Variants in MYH10 observed in about 807,000 individuals in gnomAD.
MYH10 encodes the protein myosin heavy chain 10.
A neutral mutation model predicts 257.8 loss-of-function variants in MYH10; 55 were observed. That is an observed-to-expected ratio of 0.21 (90% CI 0.17 to 0.27). The LOEUF (loss-of-function observed/expected upper bound fraction) is 0.27, where lower values mean the gene tolerates loss of function less well. MYH10 is among the 10% of genes least tolerant of loss of function. MYH10 has a pLI of 1.00. For synonymous variants in MYH10, 854 were observed against 921.7 expected (o/e 0.93, Z 1.33); for missense variants, 1,631 against 2,500.6 (o/e 0.65, Z 7.42).
At chr17:8,514,670 T>A (rs2081407886) in intron 21 of MYH10, among the ~76,000 whole-genome samples, 1 of 151,306 alleles carries the variant, frequency 6.6e-6, no homozygotes, top group Non-Finnish European at 1.5e-5. Flanking sequence ...ATGAAGCTCA[T>A]TACCTTGCGG....
intron 40 of MYH10, among the ~76,000 whole-genome samples, chr17:8,479,416 A>G (rs912060709): frequency 1.1e-4 from 17 of 152,356 alleles, no homozygotes; most frequent in African/African-American, 4.1e-4. Context: ...AGATAGAGAC[A>G]GTCAGCTGAA....
intron 7 of MYH10, among the ~76,000 whole-genome samples, chr17:8,568,781 T>G (rs1335550887): frequency 1.3e-5 from 2 of 151,958 alleles, no homozygotes; most frequent in Non-Finnish European, 2.9e-5. Context: ...GTGTTGAAGG[T>G]GAGCAGCTGG....
intron 35 of MYH10, among the ~76,000 whole-genome samples, chr17:8,489,745 A>ACACACACACACCCCC (rs1258993754): frequency 6.6e-6 from 1 of 150,700 alleles, no homozygotes; most frequent in African/African-American, 2.5e-5. Flanking sequence ...ACACACACAC[A>ACACACACACACCCCC]CCCCAAATCC....
intron 19 of MYH10, among the ~76,000 whole-genome samples, chr17:8,519,269 A>C (rs537085557): frequency 6.6e-6 from 1 of 152,300 alleles, no homozygotes; most frequent in East Asian, 1.9e-4. Context: ...TCATATCCTT[A>C]AGACGCAAAA....
Position 8,593,632 on chromosome 17 carries a change from G to A in MYH10, c.503-4524C>T, listed in dbSNP as rs2084251519. On this transcript the variant is annotated intron_variant, in intron 3 of 42. Transcript: ENST00000360416. ...TGATATACTTGGTTATAAATCTGAT[G>A]AAGTATACGCAACATCTCTGTATGC... is the stretch of plus-strand genomic sequence containing the variant. 2.0e-5 allele frequency among the ~76,000 whole-genome samples: 3 copies of A among 152,214 alleles called. No individual in the cohort carries two copies. The South Asian group carries it at 6.2e-4, about 32-fold the overall frequency.
chr17:8,489,744 C>A (rs939045150), intron 35 of MYH10, among the ~76,000 whole-genome samples: 20 of 138,416 alleles, frequency 1.4e-4, no homozygotes, highest in Admixed American at 1.4e-3. Flanking sequence ...CACACACACA[C>A]ACCCCAAATC....
At chr17:8,521,357 G>T in intron 17 of MYH10, 72 bp from the exon 18 acceptor site, 1 of 1,479,518 alleles carries the variant, frequency 6.8e-7, no homozygotes, top group Non-Finnish European at 9.4e-7. Flanking sequence ...AAGACACAGT[G>T]AAAGTGCAGC....
At chr17:8,536,325 A>G (rs1172250872) in intron 14 of MYH10, among the ~76,000 whole-genome samples, 1 of 152,192 alleles carries the variant, frequency 6.6e-6, no homozygotes, top group Non-Finnish European at 1.5e-5. Context: ...TCAACTAATG[A>G]GAATGCTTCA....
At position 8,538,593 on chromosome 17, in the gene MYH10, C is replaced by A. The variant is rs76645251; in HGVS notation, c.1606-2662G>T. ...GGTAAAGAGTGAGTCAGCATTAAAT[C>A]TTGAATTCCTTCCCTCCCCTTTCTG... On this transcript the variant is annotated intron_variant, in intron 14 of 42. Coordinates refer to ENST00000360416, the MANE Select transcript of MYH10 (RefSeq NM_001256012.3). Among the ~76,000 whole-genome samples the A allele has an allele frequency of 7.2e-5, 11 of 152,272 alleles. No individual in the cohort carries two copies. The East Asian group carries it at 1.9e-3, about 27-fold the overall frequency.
rs1426275450 is a variant in MYH10, at chr17:8,492,941, G to A, written c.4293C>T (p.Asp1431=). ...LEEAKKKLLK[D]AEALSQRLEE... ...CCAGGCGCTGGCTCAGGGCCTCCGC[G>A]TCCTTCAGAAGCTTCTTCTTGGCTT... The change falls in exon 33 of 43, where the codon GAC becomes GAT. Residue 1431 remains aspartate (D), a synonymous_variant. Transcript: ENST00000360416. 16 of 1,614,068 alleles carry A rather than the reference G, an allele frequency of 9.9e-6. No homozygotes were observed. The highest frequency in any genetic ancestry group is 5.0e-5 in the Admixed American group (3 of 60,026).
intron 30 of MYH10, among the ~76,000 whole-genome samples, chr17:8,497,763 A>G (rs1373897793): frequency 6.7e-6 from 1 of 150,100 alleles, no homozygotes; most frequent in East Asian, 2.0e-4. Flanking sequence ...AAAAAAAAAA[A>G]AAAATCAGAA....
intron 37 of MYH10, 84 bp downstream of exon 37, chr17:8,484,054 C>T: frequency 1.5e-6 from 2 of 1,344,002 alleles, no homozygotes; most frequent in Non-Finnish European, 2.0e-6. Context: ...CAGTGGGCTA[C>T]AAATATATTA....
chr17:8,592,441 C>A (rs1393976287), intron 3 of MYH10, among the ~76,000 whole-genome samples: 1 of 151,898 alleles, frequency 6.6e-6, no homozygotes, highest in African/African-American at 2.4e-5. Context: ...CACAAACTGC[C>A]AATATCTGTA....
intron 19 of MYH10, among the ~76,000 whole-genome samples, chr17:8,520,110 G>A (rs1008570728): frequency 1.3e-5 from 2 of 152,066 alleles, no homozygotes; most frequent in African/African-American, 4.8e-5. Flanking sequence ...ACCCCAACAT[G>A]TTTTTAGGAA....
At chr17:8,531,602 G>C (rs1597753057) in intron 16 of MYH10, among the ~76,000 whole-genome samples, 1 of 150,336 alleles carries the variant, frequency 6.7e-6, no homozygotes, top group Admixed American at 6.7e-5. Flanking sequence ...TGTTGCCCAG[G>C]CTGGTCTTAA....
Position 8,490,594 on chromosome 17 carries a change from G to C in MYH10, c.4672-42C>G, listed in dbSNP as rs780031920. ...TCAGGAAAGAGTTGACCGGGGTGGAGGCACATATGAAGAACAGCAGTCTTA... is the reference window on the plus strand; with the variant it reads ...TCAGGAAAGAGTTGACCGGGGTGGACGCACATATGAAGAACAGCAGTCTTA... On this transcript the variant is annotated intron_variant, in intron 34 of 42. Transcript: ENST00000360416. This position sits in a 1 kb window ranked among gnomAD's most constrained non-coding sequence, Gnocchi z 4.1. 2 of 1,586,256 alleles carry C rather than the reference G, an allele frequency of 1.3e-6. No homozygotes were observed. The highest frequency in any genetic ancestry group is 1.7e-6 in the Non-Finnish European group (2 of 1,155,160).
At chr17:8,549,286 C>A (rs2082544123) in intron 9 of MYH10, among the ~76,000 whole-genome samples, 1 of 152,234 alleles carries the variant, frequency 6.6e-6, no homozygotes, top group South Asian at 2.1e-4. Context: ...CCGAGCCCAG[C>A]AAAGGCCCTG....
intron 21 of MYH10, among the ~76,000 whole-genome samples, chr17:8,515,088 C>T (rs540102519): frequency 6.6e-6 from 1 of 152,036 alleles, no homozygotes; most frequent in East Asian, 1.9e-4. Context: ...GTTGGCACAA[C>T]CAAGTGACCG....
rs563304541 is a variant in MYH10, at chr17:8,550,313, A to C, written c.920-1526T>G. On this transcript the variant is annotated intron_variant, in intron 9 of 42. Transcript: ENST00000360416. ...TCTCTGCCCGGCCGCCCATCTTCTG[A>C]GATGTGGGGAGCGCCTCTGCCCCGC... 4.4e-3 allele frequency among the ~76,000 whole-genome samples: 667 copies of C among 150,206 alleles called. 5 individuals carry two copies. The highest frequency in any genetic ancestry group is 0.016 in the African/African-American group (645 of 40,584).
Sources: allele counts gnomAD v4.1 joint callset (sites outside exome capture counted in the v4.1 genomes callset), GRCh38; gene constraint gnomAD v4.1.1; non-coding constraint Gnocchi (gnomAD v3.1); transcripts MANE v1.5; gene names NCBI Gene and HGNC (gene_info 2026-07-23, HGNC 2026-07-21).